Variants in SVEP1 observed in about 807,000 individuals in gnomAD.
SVEP1 encodes the protein sushi, von Willebrand factor type A, EGF and pentraxin domain containing 1.
A neutral mutation model predicts 367.3 loss-of-function variants in SVEP1; 164 were observed. That is an observed-to-expected ratio of 0.45 (90% CI 0.39 to 0.51). The LOEUF is 0.51. Among genes scored for constraint, SVEP1 ranks in the 20% least tolerant of loss-of-function variants. The pLI is 0.00. For synonymous variants in SVEP1, 1,666 were observed against 1,611.6 expected (o/e 1.03, Z -0.81); for missense variants, 4,117 against 4,425.3 (o/e 0.93, Z 1.98).
chr9:110,452,528 C>A (rs886162752), intron 22 of SVEP1, among the ~76,000 whole-genome samples: 2 of 152,158 alleles, frequency 1.3e-5, no homozygotes, highest in East Asian at 1.9e-4. Flanking sequence ...AAATGGAAAC[C>A]AGGCAAGCAA....
intron 22 of SVEP1, among the ~76,000 whole-genome samples, chr9:110,454,301 G>A (rs1588061393): frequency 6.6e-6 from 1 of 152,140 alleles, no homozygotes; most frequent in Non-Finnish European, 1.5e-5. Flanking sequence ...ATGTCAAGAA[G>A]GGTATTCCCT....
chr9:110,389,227 A>ACC (rs1175712475), intron 41 of SVEP1, among the ~76,000 whole-genome samples: 1 of 144,204 alleles, frequency 6.9e-6, no homozygotes, highest in African/African-American at 2.5e-5. Flanking sequence ...TATTTGAGAA[A>ACC]ACCCCCCCAA....
chr9:110,369,467 TATTGGGTCATTTTCAATAAAATTAC>T (rs1386867252), intron 47 of SVEP1: 5 of 152,506 alleles, frequency 3.3e-5, no homozygotes, highest in African/African-American at 1.2e-4. Context: ...CTTAAACATC[TATTGGGTCATTTTCAATAAAATTAC>T]ATTGAGTTTA....
chr9:110,546,076 C>G (rs368768261), intron 3 of SVEP1, 39 bp downstream of exon 3: 155 of 1,545,106 alleles, frequency 1.0e-4, no homozygotes, highest in Non-Finnish European at 1.3e-4. Context: ...ATTTGTTACA[C>G]AGCAACAGAC....
At chr9:110,441,291 C>G (rs1325216794) in intron 27 of SVEP1, among the ~76,000 whole-genome samples, 1 of 152,134 alleles carries the variant, frequency 6.6e-6, no homozygotes, top group Non-Finnish European at 1.5e-5. Context: ...TATTAATCTC[C>G]CAATACTCCC....
At chr9:110,483,803 T>C (rs1251020661) in intron 9 of SVEP1, 110 bp from the exon 10 acceptor site, 4 of 667,066 alleles carry the variant, frequency 6.0e-6, no homozygotes, top group Non-Finnish European at 9.3e-6. Context: ...GCCTTGAGCT[T>C]GCAAGAAACA....
chr9:110,429,874 T>C (rs750945761), intron 34 of SVEP1, 46 bp downstream of exon 34: 2 of 1,512,388 alleles, frequency 1.3e-6, no homozygotes, highest in Middle Eastern at 1.7e-4. Flanking sequence ...ACTACCAGTA[T>C]GCCATCAACA....
chr9:110,378,565 G>A (rs927818858), intron 44 of SVEP1, among the ~76,000 whole-genome samples: 5 of 152,108 alleles, frequency 3.3e-5, no homozygotes, highest in Admixed American at 2.0e-4. Context: ...TCACTCTGAT[G>A]GTAGTTTCTT....
At position 110,427,686 on chromosome 9, in the gene SVEP1, G is replaced by A. The variant is rs575341239; in HGVS notation, c.5880C>T (p.Leu1960=). The change falls in exon 36 of 48, where the codon CTC becomes CTT. Residue 1960 remains leucine (L), a synonymous_variant. Coordinates refer to ENST00000374469, the MANE Select transcript of SVEP1 (RefSeq NM_153366.4). ...IWDRAPPACH[L]VFCGEPPAIK... ...TGGCAGGTGGTTCTCCACAGAAGAC[G>A]AGGTGACAGGCAGGTGGCGCTCTGT... 9 of 1,613,906 alleles carry A rather than the reference G, an allele frequency of 5.6e-6. No individual in the cohort carries two copies. Among genetic ancestry groups the A allele is most frequent in the Non-Finnish European group, 5.9e-6 (7 of 1,179,860 alleles).
rs192347509 is a variant in SVEP1 at position 110,408,356 on chromosome 9, C to T, written c.7244G>A (p.Arg2415Lys). Residue 2415 changes from arginine to lysine, a missense_variant, in exon 38 of 48, where the codon AGA (arginine) becomes AAA (lysine). This residue lies in a region of SVEP1 where 1,765 missense variants were observed against 1,781.1 expected (regional missense o/e 0.99). Transcript: ENST00000374469. ...KYSCVGGFFL[R>K]GNSTTLCQPD... ...TTGGCAGAGGGTGGTAGAATTTCCT[C>T]TTAGGAAAAACCCACCTACACAAGA... 3,220 of 1,613,872 alleles carry T rather than the reference C, an allele frequency of 2.0e-3. 7 individuals carry two copies. The highest frequency in any genetic ancestry group is 4.8e-3 in the Middle Eastern group (29 of 6,060).
chr9:110,389,400 CATATGGCTT>C, intron 41 of SVEP1, 115 bp downstream of exon 41: 2 of 1,131,820 alleles, frequency 1.8e-6, no homozygotes, highest in Non-Finnish European at 2.5e-6. Context: ...AAAAGGTTCT[CATATGGCTT>C]ATGGAGTTGG....
rs77134005 is a variant in SVEP1 at position 110,568,525 on chromosome 9, T to G, written c.531+10488A>C. Among the ~76,000 whole-genome samples the G allele has an allele frequency of 3.3e-5, 5 of 152,196 alleles. No individual in the cohort carries two copies. In the East Asian group the frequency reaches 9.6e-4, roughly 29 times the overall value. On this transcript the variant is annotated intron_variant, in intron 1 of 47. Transcript: ENST00000374469. ...AAATATGATGCCAGTTTCTTAAATA[T>G]GTAGATAAATTGTGAATGCTCTATG...
At chr9:110,367,738 G>T (rs1264936887) in intron 47 of SVEP1, among the ~76,000 whole-genome samples, 1 of 152,114 alleles carries the variant, frequency 6.6e-6, no homozygotes, top group Admixed American at 6.5e-5. Context: ...CTGGGACAGT[G>T]TACTATGTCT....
chr9:110,515,758 G>A (rs1216265366), intron 3 of SVEP1, among the ~76,000 whole-genome samples: 3 of 152,210 alleles, frequency 2.0e-5, no homozygotes, highest in East Asian at 1.9e-4. Flanking sequence ...ATTCAATGAC[G>A]ACTATAGTTA....
intron 36 of SVEP1, among the ~76,000 whole-genome samples, chr9:110,424,865 G>C (rs1828228785): frequency 6.6e-6 from 1 of 152,266 alleles, no homozygotes; most frequent in African/African-American, 2.4e-5. Context: ...GTGGAGACAG[G>C]GTTTCACCAT....
chr9:110,472,263 G>A lies in SVEP1; in HGVS notation c.2660C>T (p.Thr887Ile), dbSNP rs745435643. The change falls in exon 15 of 48, where the codon ACT becomes ATT. Residue 887 changes from threonine to isoleucine, a missense_variant. Transcript: ENST00000374469. ...GATGCTTGTGGCTGTTTCTTGCACAGTGTCCAGGAAGTCATCGTAAGAGTA... is the reference window on the plus strand; with the variant it reads ...GATGCTTGTGGCTGTTTCTTGCACAATGTCCAGGAAGTCATCGTAAGAGTA... ...LDYSYDDFLDTVQETATSIGN... is the reference protein window; with the variant it reads ...LDYSYDDFLDIVQETATSIGN... 3.1e-6 allele frequency: 5 copies of A among 1,613,486 alleles called. No individual in the cohort carries two copies. The highest frequency in any genetic ancestry group is 4.2e-6 in the Non-Finnish European group (5 of 1,179,772).
At position 110,407,989 on chromosome 9, in the gene SVEP1, G is replaced by T; in HGVS notation, c.7611C>A (p.Thr2537=). The T allele has an allele frequency of 2.5e-6, 4 of 1,614,020 alleles. No homozygotes were observed. The highest frequency in any genetic ancestry group is 2.5e-6 in the Non-Finnish European group (3 of 1,179,902). ...CATCCCAATCACCTGTCTCTAAACA[G>T]GTCAAGGCACTGGGACCTTCGAGCC... The part of the protein sequence containing the change: ...GFRLEGPSAL[T]CLETGDWDVD... The change falls in exon 38 of 48, where the codon ACC becomes ACA. Residue 2537 remains threonine (T), a synonymous_variant. Coordinates refer to ENST00000374469, the MANE Select transcript of SVEP1 (RefSeq NM_153366.4).
At position 110,574,737 on chromosome 9, in the gene SVEP1, G is replaced by A. The variant is rs1564180517; in HGVS notation, c.531+4276C>T. Among the ~76,000 whole-genome samples the A allele has an allele frequency of 2.1e-5, 3 of 145,786 alleles. No individual in the cohort carries two copies. In the Admixed American group the frequency reaches 2.2e-4, roughly 10 times the overall value. The stretch of plus-strand genomic sequence containing the variant: ...GTTTAGACAGGGACTGAGTCCAGTC[G>A]ACCTTCTTTTTTTTTTTTTTTTTTT... On this transcript the variant is annotated intron_variant, in intron 1 of 47. Transcript: ENST00000374469.
At chr9:110,447,313 G>T (rs931855010) in intron 24 of SVEP1, among the ~76,000 whole-genome samples, 1 of 152,204 alleles carries the variant, frequency 6.6e-6, no homozygotes, top group Non-Finnish European at 1.5e-5. Context: ...TTCATACATT[G>T]TGGTTTCTCT....
Sources: gnomAD v4.1 joint callset for allele counts (sites outside exome capture counted in the v4.1 genomes callset) on GRCh38, gnomAD v4.1.1 for gene constraint, gnomAD v4.1.1 regional missense constraint, MANE v1.5 for transcripts, NCBI Gene and HGNC (gene_info 2026-07-23, HGNC 2026-07-21) for gene names.